Variants in RSRC2 observed in about 807,000 individuals in gnomAD.
RSRC2 encodes arginine and serine rich coiled-coil 2, also known as arginine/serine-rich coiled-coil protein 2.
RSRC2 carries 5 observed loss-of-function variants against 61.3 expected under a neutral mutation model. The ratio of observed to expected loss-of-function variants is 0.08; its 90% CI spans 0.04 to 0.17. The LOEUF is 0.17. RSRC2 is among the 10% of genes least tolerant of loss of function. The probability of loss-of-function intolerance (pLI) is 1.00; values close to 1 mark genes in which losing one functional copy is unlikely to be tolerated. For synonymous variants in RSRC2, 202 were observed against 166.5 expected (o/e 1.21, Z -1.64); for missense variants, 381 against 518.8 (o/e 0.73, Z 2.58).
chr12:122,521,532 T>A, intron 2 of RSRC2, 104 bp from the exon 3 acceptor site: 1 of 910,446 alleles, frequency 1.1e-6, no homozygotes, highest in African/African-American at 1.7e-5. Flanking sequence ...TTAGTCTTCT[T>A]CCAATGACTA....
At chr12:122,520,720 G>T in intron 3 of RSRC2, 1 of 459,936 alleles carries the variant, frequency 2.2e-6, no homozygotes. Flanking sequence ...CTTGTTTTAG[G>T]AGTCCCTTAC....
chr12:122,524,708 A>G (rs773321293), intron 1 of RSRC2, among the ~76,000 whole-genome samples: 2 of 152,246 alleles, frequency 1.3e-5, no homozygotes, highest in Non-Finnish European at 2.9e-5. Context: ...AGGCCATGGA[A>G]AACTTTTATT....
chr12:122,522,011 C>A, intron 2 of RSRC2, 132 bp downstream of exon 2: 1 of 944,216 alleles, frequency 1.1e-6, no homozygotes, highest in East Asian at 2.6e-5. Flanking sequence ...CCTTGGCCTC[C>A]CAAAGTGCTG....
chr12:122,523,150 T>A (rs1299738821), intron 1 of RSRC2: 2 of 152,360 alleles, frequency 1.3e-5, no homozygotes, highest in Non-Finnish European at 2.9e-5. Context: ...TTACGTTTTT[T>A]AAAACTATTT....
intron 7 of RSRC2, among the ~76,000 whole-genome samples, chr12:122,510,238 A>G (rs1472734221): frequency 6.6e-6 from 1 of 152,188 alleles, no homozygotes; most frequent in Non-Finnish European, 1.5e-5. Flanking sequence ...CAAAATCGTA[A>G]AAGACATCTG....
rs532092144 is a variant in RSRC2, at chr12:122,526,613, G to A, written c.6+235C>T. ...GCGAAAGGAACGTAGGGTTGGGGAA[G>A]AGAGGAGGAAAGTTCTGGAAAAAAA... On this transcript the variant is annotated intron_variant, in intron 1 of 9. Transcript: ENST00000331738. 2.4e-3 allele frequency among the ~76,000 whole-genome samples: 363 copies of A among 152,132 alleles called. 1 individual carries two copies. The highest frequency in any genetic ancestry group is 4.0e-3 in the Non-Finnish European group (269 of 68,024).
intron 6 of RSRC2, among the ~76,000 whole-genome samples, chr12:122,512,611 A>T (rs1341762334): frequency 6.6e-6 from 1 of 151,930 alleles, no homozygotes; most frequent in African/African-American, 2.4e-5. Flanking sequence ...GGGCGCCTGT[A>T]ATCTCAGCTA....
chr12:122,521,709 T>C (rs528838737), intron 2 of RSRC2, among the ~76,000 whole-genome samples: 6 of 152,190 alleles, frequency 3.9e-5, no homozygotes, highest in Non-Finnish European at 8.8e-5. Flanking sequence ...TCTAGTTTCC[T>C]AGTCTACAGC....
chr12:122,505,402 A>T lies in RSRC2; in HGVS notation c.*125T>A. 1.2e-6 allele frequency: 1 copy of T among 858,254 alleles called. No homozygotes were observed. Among genetic ancestry groups the T allele is most frequent in the Non-Finnish European group, 1.8e-6 (1 of 567,462 alleles). The allele number at this position is 858,254 out of a possible 1,614,324, so 53.2% of individuals were successfully genotyped here. ...TGATCTGATATTTACAAAAATTTGTATTTTTCAATAAATTAAAGTCAATGC... is the reference window on the plus strand; with the variant it reads ...TGATCTGATATTTACAAAAATTTGTTTTTTTCAATAAATTAAAGTCAATGC... On this transcript the variant is annotated 3_prime_UTR_variant, in exon 10 of 10. Transcript: ENST00000331738.
chr12:122,511,280 A>C, intron 6 of RSRC2, 92 bp from the exon 7 acceptor site: 5 of 897,876 alleles, frequency 5.6e-6, no homozygotes, highest in Non-Finnish European at 8.1e-6. Flanking sequence ...AGACAAGCCA[A>C]CTTCCATAAA....
chr12:122,512,518 A>G (rs1165693649), intron 6 of RSRC2, among the ~76,000 whole-genome samples: 1 of 152,184 alleles, frequency 6.6e-6, no homozygotes, highest in Non-Finnish European at 1.5e-5. Flanking sequence ...ACCTGAGGTC[A>G]GGAGTTAGAG....
At chr12:122,517,488 C>T in intron 4 of RSRC2, 58 bp from the exon 5 acceptor site, 1 of 1,603,054 alleles carries the variant, frequency 6.2e-7, no homozygotes, top group South Asian at 1.1e-5. Flanking sequence ...TTCATTTATA[C>T]ACATCATGAA....
chr12:122,508,970 A>C (rs1300968035), intron 7 of RSRC2, among the ~76,000 whole-genome samples: 1 of 152,140 alleles, frequency 6.6e-6, no homozygotes, highest in East Asian at 1.9e-4. Context: ...ACAAAAAAAA[A>C]ACCCATTTAT....
In RSRC2 at chr12:122,503,911, T is replaced by C. The variant is rs892277862; in HGVS notation, c.*1616A>G. ...CAACCTGGGCAACGTAACAAGACCT[T>C]GTCTTTATAAAAAATTAAAAACAAG... On this transcript the variant is annotated 3_prime_UTR_variant, in exon 10 of 10. Transcript: ENST00000331738. 2.6e-5 allele frequency: 4 copies of C among 151,928 alleles called. No individual in the cohort carries two copies. Among genetic ancestry groups the C allele is most frequent in the African/African-American group, 4.8e-5 (2 of 41,326 alleles). The allele number at this position is 151,928 out of a possible 1,614,324, so 9.4% of individuals were successfully genotyped here.
chr12:122,513,232 TAAATAAATAAATAAAATAAAATA>T (rs1958657991), intron 6 of RSRC2, among the ~76,000 whole-genome samples: 6 of 91,432 alleles, frequency 6.6e-5, no homozygotes, highest in African/African-American at 2.4e-4. Flanking sequence ...AATAAATAAA[TAAATAAATAAATAAAATAAAATA>T]AAAATAAAAA....
At chr12:122,519,308 C>A in intron 3 of RSRC2, 2 of 353,970 alleles carry the variant, frequency 5.7e-6, no homozygotes, top group Non-Finnish European at 1.0e-5. Context: ...TTATGCCAGA[C>A]AAAAGAGGAA....
At chr12:122,511,011 T>C (rs1958466768) in intron 7 of RSRC2, 98 bp downstream of exon 7, 2 of 816,230 alleles carry the variant, frequency 2.5e-6, no homozygotes, top group Non-Finnish European at 1.9e-6. Context: ...CTGGAGCCAC[T>C]GCACTCCAGT....
intron 4 of RSRC2, among the ~76,000 whole-genome samples, chr12:122,517,819 C>T (rs1279422899): frequency 6.6e-6 from 1 of 152,120 alleles, no homozygotes; most frequent in African/African-American, 2.4e-5. Context: ...AAACCATTCA[C>T]AAATTTGAGC....
chr12:122,509,736 T>C (rs1392408489), intron 7 of RSRC2, among the ~76,000 whole-genome samples: 1 of 152,324 alleles, frequency 6.6e-6, no homozygotes, highest in East Asian at 1.9e-4. Context: ...TAAGTGCCAC[T>C]GTTTACCAAA....
Sources: gnomAD v4.1 joint callset for allele counts (sites outside exome capture counted in the v4.1 genomes callset) on GRCh38, gnomAD v4.1.1 for gene constraint, MANE v1.5 for transcripts, NCBI Gene and HGNC (gene_info 2026-07-23, HGNC 2026-07-21) for gene names.